MBOAT1: variants seen among roughly 807,000 people sequenced by gnomAD.
MBOAT1 encodes membrane bound glycerophospholipid O-acyltransferase 1, also known as membrane-bound glycerophospholipid O-acyltransferase 1.
MBOAT1 carries 67 observed loss-of-function variants against 64.4 expected under a neutral mutation model. The observed-to-expected ratio is 1.04, with a 90% CI of 0.85 to 1.27. The LOEUF is 1.27. Among genes scored for constraint, MBOAT1 ranks in the 50% most tolerant of loss-of-function variants. The probability of loss-of-function intolerance (pLI) is 0.00; values close to 1 mark genes in which losing one functional copy is unlikely to be tolerated. For missense variants in MBOAT1, 563 were observed against 604.6 expected (o/e 0.93, Z 0.72); for synonymous variants, 229 against 218.9 (o/e 1.05, Z -0.41).
intron 12 of MBOAT1, among the ~76,000 whole-genome samples, chr6:20,105,259 A>G (rs1180460840): frequency 6.6e-6 from 1 of 152,254 alleles, no homozygotes; most frequent in East Asian, 1.9e-4. Flanking sequence ...TACTTTGAAC[A>G]TCAAGTGGAA....
intron 2 of MBOAT1, 138 bp downstream of exon 2, chr6:20,152,486 C>G (rs1247061346): frequency 2.4e-6 from 2 of 844,808 alleles, no homozygotes; most frequent in Non-Finnish European, 3.5e-6. Flanking sequence ...CATTATCCTA[C>G]TATAAGGTAT....
chr6:20,193,128 C>G (rs1206014268), intron 1 of MBOAT1, among the ~76,000 whole-genome samples: 1 of 150,224 alleles, frequency 6.7e-6, no homozygotes, highest in Admixed American at 6.7e-5. Context: ...GCCTCAGCCT[C>G]CAGAGTAGCT....
chr6:20,128,506 G>C (rs374574835), intron 6 of MBOAT1, among the ~76,000 whole-genome samples, 193 bp downstream of exon 6: 1 of 152,120 alleles, frequency 6.6e-6, no homozygotes, highest in Non-Finnish European at 1.5e-5. Context: ...CCTAGTACAA[G>C]GTTATTCATC....
At chr6:20,161,712 T>C (rs1581434298) in intron 1 of MBOAT1, among the ~76,000 whole-genome samples, 1 of 151,762 alleles carries the variant, frequency 6.6e-6, no homozygotes, top group East Asian at 1.9e-4. Flanking sequence ...AGTCAGGGAG[T>C]GGTAGAGCCA....
rs778090016 is a variant in MBOAT1 at position 20,120,680 on chromosome 6, A to T, written c.908-2140T>A. On this transcript the variant is annotated intron_variant, in intron 8 of 12. Transcript: ENST00000324607. ...CAAAACTCCATCTAAAAAAAAATTT[A>T]AAAAAACATGTAGTTTGTCAACAAT... 5.2e-4 allele frequency among the ~76,000 whole-genome samples: 79 copies of T among 152,268 alleles called. 1 individual carries two copies. The highest frequency in any genetic ancestry group is 1.8e-3 in the African/African-American group (74 of 41,544).
rs1279509560 is a variant in MBOAT1 at position 20,101,057 on chromosome 6, C to G, written c.*1229G>C. ...AAATCAGCCCATGTGTACATCACGG[C>G]CAGCCATGATCATTAACACCTCCAT... On this transcript the variant is annotated 3_prime_UTR_variant, in exon 13 of 13. Coordinates refer to ENST00000324607, the MANE Select transcript of MBOAT1 (RefSeq NM_001080480.3). 6.6e-6 allele frequency among the ~76,000 whole-genome samples: 1 copy of G among 152,030 alleles called. No individual in the cohort carries two copies. Among genetic ancestry groups the G allele is most frequent in the African/African-American group, 2.4e-5 (1 of 41,396 alleles).
intron 1 of MBOAT1, among the ~76,000 whole-genome samples, chr6:20,193,411 C>T (rs531205501): frequency 1.3e-5 from 2 of 152,058 alleles, no homozygotes; most frequent in African/African-American, 4.8e-5. Context: ...ACCTGAGAGG[C>T]AGAATAGTAT....
intron 1 of MBOAT1, among the ~76,000 whole-genome samples, chr6:20,177,791 A>C (rs1478075383): frequency 1.7e-5 from 1 of 59,128 alleles, no homozygotes; most frequent in East Asian, 8.5e-4. Context: ...AAAAAAAAAA[A>C]CAAAAAACTT....
At chr6:20,179,360 A>C (rs116047876) in intron 1 of MBOAT1, among the ~76,000 whole-genome samples, 1 of 152,202 alleles carries the variant, frequency 6.6e-6, no homozygotes, top group African/African-American at 2.4e-5. Context: ...CCATGTGTCC[A>C]TGTGTTCTCA....
chr6:20,138,557 T>C (rs1040974305), intron 4 of MBOAT1, among the ~76,000 whole-genome samples: 6 of 152,210 alleles, frequency 3.9e-5, no homozygotes, highest in African/African-American at 1.4e-4. Context: ...CTTTATTTTT[T>C]CCCTTTGATA....
rs1051604890 is a variant in MBOAT1, at chr6:20,128,720, T to G, written c.509A>C (p.Glu170Ala). 3 of 1,611,002 alleles carry G rather than the reference T, an allele frequency of 1.9e-6. No individual in the cohort carries two copies. The highest frequency in any genetic ancestry group is 1.7e-4 in the Middle Eastern group (1 of 6,052). ...LGRRAEDLSAEQHRLAIKVKP... is the reference protein window; with the variant it reads ...LGRRAEDLSAAQHRLAIKVKP... ...TTACTTGATAGCAAGTCGATGTTGTTCAGCAGAAAGGTCTTCAGCTCTTCG... is the reference window on the plus strand; with the variant it reads ...TTACTTGATAGCAAGTCGATGTTGTGCAGCAGAAAGGTCTTCAGCTCTTCG... The change falls in exon 6 of 13, where the codon GAA (glutamate) becomes GCA (alanine). Residue 170 changes from glutamate to alanine, a missense_variant. Glu to Ala is a moderately radical substitution (Grantham distance 107). Transcript: ENST00000324607.
At chr6:20,121,460 T>A (rs972980444) in intron 8 of MBOAT1, among the ~76,000 whole-genome samples, 1 of 151,838 alleles carries the variant, frequency 6.6e-6, no homozygotes, top group African/African-American at 2.4e-5. Context: ...AAGGGAAGCA[T>A]GGGGGGGAGT....
At chr6:20,144,453 A>C in intron 3 of MBOAT1, 138 bp from the exon 4 acceptor site, 1 of 604,616 alleles carries the variant, frequency 1.7e-6, no homozygotes, top group Non-Finnish European at 2.9e-6. Context: ...ATCCCAGGCC[A>C]CCTTTCCACC....
At chr6:20,200,700 C>A (rs1266292949) in intron 1 of MBOAT1, among the ~76,000 whole-genome samples, 1 of 152,086 alleles carries the variant, frequency 6.6e-6, no homozygotes, top group Non-Finnish European at 1.5e-5. Flanking sequence ...TGTCCATATT[C>A]CTGGGGAATG....
chr6:20,190,408 C>G (rs370734931), intron 1 of MBOAT1, among the ~76,000 whole-genome samples: 2 of 152,198 alleles, frequency 1.3e-5, no homozygotes, highest in Non-Finnish European at 2.9e-5. Context: ...GAGAGAGTCA[C>G]GGCCAACATA....
rs370440332 is a variant in MBOAT1, at chr6:20,152,658, A to G, written c.211T>C (p.Phe71Leu). The G allele has an allele frequency of 5.0e-6, 8 of 1,611,338 alleles. No homozygotes were observed. Among genetic ancestry groups the G allele is most frequent in the Non-Finnish European group, 6.8e-6 (8 of 1,178,198 alleles). ...SDVRHAVATI[F>L]GIYFVIFCFG... ...CAAAAGATGACAAAATAGATGCCAA[A>G]AATGGTGGCAACCGCATGCCGGACA... The change falls in exon 2 of 13, where the codon TTT becomes CTT. Residue 71 changes from phenylalanine (F) to leucine (L), a missense_variant. Coordinates refer to ENST00000324607, the MANE Select transcript of MBOAT1 (RefSeq NM_001080480.3).
intron 1 of MBOAT1, among the ~76,000 whole-genome samples, chr6:20,188,703 C>G (rs1371977989): frequency 6.6e-6 from 1 of 152,132 alleles, no homozygotes; most frequent in Non-Finnish European, 1.5e-5. Flanking sequence ...CATGCAGGCC[C>G]CTAGCTTGAG....
At chr6:20,123,335 C>T (rs1301399064) in intron 8 of MBOAT1, among the ~76,000 whole-genome samples, 1 of 152,182 alleles carries the variant, frequency 6.6e-6, no homozygotes, top group Non-Finnish European at 1.5e-5. Flanking sequence ...TGCTCTCTGA[C>T]ATCAAGCGCA....
intron 3 of MBOAT1, among the ~76,000 whole-genome samples, chr6:20,149,584 C>T (rs1761429778): frequency 6.6e-6 from 1 of 152,098 alleles, no homozygotes; most frequent in Non-Finnish European, 1.5e-5. Context: ...CCATTCTTTC[C>T]AAATTAGAAA....
Sources: gnomAD v4.1 joint callset for allele counts (sites outside exome capture counted in the v4.1 genomes callset) on GRCh38, gnomAD v4.1.1 for gene constraint, MANE v1.5 for transcripts, NCBI Gene and HGNC (gene_info 2026-07-23, HGNC 2026-07-21) for gene names.